POLN: variants seen among roughly 807,000 people sequenced by gnomAD.
The protein encoded by POLN is DNA polymerase N.
A neutral mutation model predicts 113.5 loss-of-function variants in POLN; 108 were observed. The ratio of observed to expected loss-of-function variants is 0.95; its 90% confidence interval spans 0.81 to 1.12. The LOEUF (loss-of-function observed/expected upper bound fraction) is 1.12, where lower values mean the gene tolerates loss of function less well. POLN is among the 50% of genes most tolerant of loss of function. The probability of loss-of-function intolerance (pLI) is 0.00; values close to 1 mark genes in which losing one functional copy is unlikely to be tolerated. For synonymous variants in POLN, 386 were observed against 391.5 expected (o/e 0.99, Z 0.17); for missense variants, 1,097 against 1,077.1 (o/e 1.02, Z -0.26).
At chr4:2,195,948 G>C (rs1289793689) in intron 6 of POLN, among the ~76,000 whole-genome samples, 1 of 152,070 alleles carries the variant, frequency 6.6e-6, no homozygotes, top group African/African-American at 2.4e-5. Flanking sequence ...ACCATTAAGG[G>C]AAAGTTTGGG....
intron 17 of POLN, among the ~76,000 whole-genome samples, chr4:2,130,232 C>T (rs1202433476): frequency 3.4e-5 from 5 of 145,262 alleles, no homozygotes; most frequent in South Asian, 2.2e-4. Context: ...GGCAACAGAG[C>T]GAGACTCTGT....
rs577896956 is a variant in POLN at position 2,091,800 on chromosome 4, T to TGTGTGTGTGCGC, written c.2065+4050_2065+4051insGCGCACACACAC. Among the ~76,000 whole-genome samples the TGTGTGTGTGCGC allele has an allele frequency of 3.0e-3, 441 of 144,936 alleles. 2 individuals are homozygous for TGTGTGTGTGCGC. Among genetic ancestry groups the TGTGTGTGTGCGC allele is most frequent in the African/African-American group, 0.01 (404 of 39,388 alleles). On this transcript the variant is annotated intron_variant, in intron 20 of 25. Transcript: ENST00000511885. ...GTGTGTGTGTGTGTGTGTGTGTGTG[T>TGTGTGTGTGCGC]GCGCGCGCTACAATTTGACGTTTAG...
At chr4:2,112,905 G>A (rs1002561359) in intron 19 of POLN, among the ~76,000 whole-genome samples, 205 of 152,092 alleles carry the variant, frequency 1.3e-3, no homozygotes, top group Non-Finnish European at 2.2e-3. Context: ...CAAAGGATTA[G>A]AAATCATGCT....
intron 13 of POLN, among the ~76,000 whole-genome samples, chr4:2,167,311 A>T (rs748603878): frequency 1.8e-4 from 28 of 152,082 alleles, no homozygotes; most frequent in Admixed American, 5.2e-4. Context: ...ACTCCTTATG[A>T]TGTTCTGAGA....
intron 16 of POLN, among the ~76,000 whole-genome samples, chr4:2,139,422 A>G (rs1207857341): frequency 1.3e-5 from 2 of 152,232 alleles, no homozygotes; most frequent in East Asian, 3.9e-4. Context: ...GGTCACAAAC[A>G]GCACTTTCAA....
intron 19 of POLN, among the ~76,000 whole-genome samples, chr4:2,117,446 T>G (rs1211713246): frequency 6.6e-6 from 1 of 152,180 alleles, no homozygotes; most frequent in Admixed American, 6.5e-5. Context: ...AATCCAAAAT[T>G]TCATCTTATC....
chr4:2,203,696 C>CA (rs2108762014), intron 5 of POLN, among the ~76,000 whole-genome samples: 1 of 152,044 alleles, frequency 6.6e-6, no homozygotes, highest in South Asian at 2.1e-4. Flanking sequence ...TCTAAGGTCA[C>CA]ACCTCAAGGA....
At chr4:2,101,870 T>C (rs535877892) in intron 19 of POLN, among the ~76,000 whole-genome samples, 68 of 152,306 alleles carry the variant, frequency 4.5e-4, no homozygotes, top group Non-Finnish European at 7.6e-4. Context: ...CTGTGGAGGC[T>C]TGGTCTTGAG....
intron 8 of POLN, among the ~76,000 whole-genome samples, chr4:2,178,863 T>C (rs1204554226): frequency 1.3e-5 from 2 of 152,096 alleles, no homozygotes; most frequent in African/African-American, 4.8e-5. Context: ...CGGCCCACCT[T>C]AGCCTCCCAA....
chr4:2,217,396 G>C lies in POLN; in HGVS notation c.134-4270C>G, dbSNP rs181166902. On this transcript the variant is annotated intron_variant, in intron 3 of 25. Coordinates refer to ENST00000511885, the MANE Select transcript of POLN (RefSeq NM_181808.4). ...AAGGCTGCCCCCGTCAGAAGTACCA[G>C]TGCCAGCACCAATGATGTCATGGGT... 7.2e-5 allele frequency among the ~76,000 whole-genome samples: 11 copies of C among 152,318 alleles called. No homozygotes were observed. The East Asian group carries it at 2.1e-3, about 29-fold the overall frequency.
At chr4:2,189,010 A>G (rs1425010664) in intron 7 of POLN, among the ~76,000 whole-genome samples, 2 of 152,114 alleles carry the variant, frequency 1.3e-5, no homozygotes, top group Non-Finnish European at 2.9e-5. Context: ...TTTTTTTTGT[A>G]AGGCTCCTTT....
intron 16 of POLN, among the ~76,000 whole-genome samples, chr4:2,146,655 G>T (rs564342080): frequency 6.6e-6 from 1 of 152,268 alleles, no homozygotes; most frequent in Admixed American, 6.5e-5. Flanking sequence ...GGCAGATAGG[G>T]GCAGGGGGCT....
chr4:2,185,178 TTA>T (rs1733240306), intron 7 of POLN, among the ~76,000 whole-genome samples: 1 of 152,226 alleles, frequency 6.6e-6, no homozygotes, highest in South Asian at 2.1e-4. Context: ...CATCCAAACA[TTA>T]TATACCTCCT....
chr4:2,233,611 T>C (rs1038524023), intron 2 of POLN, among the ~76,000 whole-genome samples: 4 of 152,302 alleles, frequency 2.6e-5, no homozygotes, highest in African/African-American at 7.2e-5. Context: ...GAATTGAACA[T>C]TGAAATGTGA....
chr4:2,091,823 T>G (rs1730674090), intron 20 of POLN, among the ~76,000 whole-genome samples: 1 of 151,544 alleles, frequency 6.6e-6, no homozygotes, highest in Non-Finnish European at 1.5e-5. Flanking sequence ...ATTTGACGTT[T>G]AGCAGGGACA....
chr4:2,118,960 T>C (rs1302137812), intron 19 of POLN, among the ~76,000 whole-genome samples: 2 of 152,208 alleles, frequency 1.3e-5, no homozygotes, highest in Non-Finnish European at 2.9e-5. Flanking sequence ...GAGTGACATG[T>C]CACTTTTACT....
chr4:2,117,396 T>C (rs1339818749), intron 19 of POLN, among the ~76,000 whole-genome samples: 3 of 152,212 alleles, frequency 2.0e-5, no homozygotes, highest in Non-Finnish European at 4.4e-5. Flanking sequence ...TTCTCCCCCT[T>C]GTACACACAG....
At chr4:2,091,796 T>C (rs533986676) in intron 20 of POLN, among the ~76,000 whole-genome samples, 3,265 of 134,044 alleles carry the variant, frequency 0.024, 44 homozygotes, top group African/African-American at 0.033. Context: ...TGTGTGTGTG[T>C]GTGTGCGCGC....
intron 19 of POLN, among the ~76,000 whole-genome samples, chr4:2,120,895 T>G (rs1047882111): frequency 2.0e-5 from 3 of 152,248 alleles, no homozygotes; most frequent in African/African-American, 7.2e-5. Flanking sequence ...GAGCTGATTT[T>G]AGGTCTTGCA....
Sources: gnomAD v4.1 joint callset for allele counts (sites outside exome capture counted in the v4.1 genomes callset) on GRCh38, gnomAD v4.1.1 for gene constraint, MANE v1.5 for transcripts, NCBI Gene and HGNC (gene_info 2026-07-23, HGNC 2026-07-21) for gene names.